Variants in CACNA2D1 observed in about 807,000 individuals in gnomAD.
CACNA2D1 encodes the protein voltage-dependent calcium channel subunit alpha-2/delta-1.
In CACNA2D1, 53 loss-of-function variants were observed where a neutral mutation model predicts 171.5. The observed-to-expected ratio is 0.31, with a 90% CI of 0.25 to 0.39. CACNA2D1 has a LOEUF of 0.39. Among genes scored for constraint, CACNA2D1 ranks in the 10% least tolerant of loss-of-function variants. The pLI is 1.00. For synonymous variants in CACNA2D1, 442 were observed against 443.1 expected, an observed-to-expected ratio of 1.00 and a Z score of 0.03; for missense variants, 903 against 1,299.8, an observed-to-expected ratio of 0.69 and a Z score of 4.69.
rs141846409 is a variant in CACNA2D1 at position 82,050,771 on chromosome 7, T to C, written c.879+9657A>G. The stretch of plus-strand genomic sequence containing the variant: ...TAACAATAATCATCATCATAATACA[T>C]GATTACAATATATAAGCACTTTACA... On this transcript the variant is annotated intron_variant, in intron 10 of 38. Coordinates refer to ENST00000356860, the MANE Select transcript of CACNA2D1 (RefSeq NM_000722.4). 1.1e-5 allele frequency: 7 copies of C among 634,638 alleles called. No homozygotes were observed. In the East Asian group the frequency reaches 1.7e-4, roughly 15 times the overall value. 39.3% of individuals were successfully genotyped at this position (634,638 alleles called of 1,614,324 possible). A position where few individuals can be genotyped will look rare whatever the true frequency, so the allele number is the denominator to read the frequency against.
chr7:82,316,622 C>T (rs889133809), intron 3 of CACNA2D1, among the ~76,000 whole-genome samples: 9 of 152,098 alleles, frequency 5.9e-5, no homozygotes, highest in Admixed American at 5.9e-4. Flanking sequence ...ATCAAAATAT[C>T]TGTATATTAG....
Position 82,340,344 on chromosome 7 carries a change from T to G in CACNA2D1, c.178-5093A>C, listed in dbSNP as rs76499401. On this transcript the variant is annotated intron_variant, in intron 2 of 38. Coordinates refer to ENST00000356860, the MANE Select transcript of CACNA2D1 (RefSeq NM_000722.4). ...AATTTGGCTAAGTTTGTTTTTTGTT[T>G]TTTTTTTTTTTTAATAGGATCTCAC... 5.4e-3 allele frequency among the ~76,000 whole-genome samples: 792 copies of G among 146,828 alleles called. 20 individuals carry two copies. In the East Asian group the frequency reaches 0.081, roughly 15 times the overall value.
At chr7:82,179,862 G>A (rs901655633) in intron 3 of CACNA2D1, among the ~76,000 whole-genome samples, 8 of 151,632 alleles carry the variant, frequency 5.3e-5, no homozygotes, top group South Asian at 2.1e-4. Context: ...AGTTAGACTC[G>A]TCATAAAGTC....
At chr7:81,980,759 A>G (rs1396907278) in intron 24 of CACNA2D1, among the ~76,000 whole-genome samples, 2 of 152,128 alleles carry the variant, frequency 1.3e-5, no homozygotes, top group East Asian at 3.9e-4. Flanking sequence ...ATTGACAGAT[A>G]CACTTGATAC....
intron 18 of CACNA2D1, among the ~76,000 whole-genome samples, chr7:82,000,373 T>C (rs901014609): frequency 1.3e-5 from 2 of 152,160 alleles, no homozygotes; most frequent in African/African-American, 4.8e-5. Flanking sequence ...GACATATATA[T>C]ATTTAATTTC....
At chr7:82,434,526 C>G (rs1330723974) in intron 1 of CACNA2D1, among the ~76,000 whole-genome samples, 1 of 152,120 alleles carries the variant, frequency 6.6e-6, no homozygotes, top group African/African-American at 2.4e-5. Context: ...ACTCCTCCCA[C>G]TCTCCACCCT....
intron 12 of CACNA2D1, among the ~76,000 whole-genome samples, chr7:82,022,628 A>G (rs777856676): frequency 6.6e-6 from 1 of 151,916 alleles, no homozygotes. Flanking sequence ...AAAACTGACA[A>G]TGTTCACTCT....
chr7:82,011,948 T>C, intron 15 of CACNA2D1: 1 of 549,326 alleles, frequency 1.8e-6, no homozygotes, highest in South Asian at 2.3e-5. Context: ...GACAATAAGC[T>C]AACACTTTGC....
intron 20 of CACNA2D1, among the ~76,000 whole-genome samples, chr7:81,992,645 T>A (rs1190002418): frequency 2.0e-5 from 3 of 152,198 alleles, no homozygotes; most frequent in Non-Finnish European, 4.4e-5. Flanking sequence ...AAATGTAAGT[T>A]TTTTCAATAT....
chr7:82,251,455 T>C (rs1344025024), intron 3 of CACNA2D1, among the ~76,000 whole-genome samples: 1 of 152,206 alleles, frequency 6.6e-6, no homozygotes, highest in Non-Finnish European at 1.5e-5. Flanking sequence ...CATTTCATTG[T>C]ACATTCATGG....
intron 3 of CACNA2D1, among the ~76,000 whole-genome samples, chr7:82,291,046 C>G (rs1399185888): frequency 6.8e-6 from 1 of 148,000 alleles, no homozygotes; most frequent in East Asian, 2.0e-4. Context: ...TGCAATCACA[C>G]CTCACTGCAG....
intron 32 of CACNA2D1, among the ~76,000 whole-genome samples, chr7:81,964,913 CAT>C (rs907568067): frequency 4.0e-5 from 6 of 151,784 alleles, no homozygotes; most frequent in African/African-American, 1.4e-4. Context: ...ACACCTTAAA[CAT>C]ATACAATAAA....
chr7:82,087,889 T>C (rs1563026792), intron 6 of CACNA2D1, among the ~76,000 whole-genome samples: 1 of 152,124 alleles, frequency 6.6e-6, no homozygotes, highest in East Asian at 1.9e-4. Context: ...AAATGCACAA[T>C]ACCGGCCATG....
chr7:82,204,548 AGTT>A (rs142007158), intron 3 of CACNA2D1, among the ~76,000 whole-genome samples: 1,624 of 152,218 alleles, frequency 0.011, 28 homozygotes, highest in African/African-American at 0.037. Context: ...CATAACCTGG[AGTT>A]GTTGTTCCCT....
chr7:82,044,978 T>C (rs1258900240), intron 10 of CACNA2D1, among the ~76,000 whole-genome samples: 1 of 152,172 alleles, frequency 6.6e-6, no homozygotes, highest in Non-Finnish European at 1.5e-5. Flanking sequence ...AGTGGCTGTT[T>C]AGAATTCAAT....
intron 10 of CACNA2D1, among the ~76,000 whole-genome samples, chr7:82,038,597 C>T (rs1021633932): frequency 6.6e-6 from 1 of 152,164 alleles, no homozygotes; most frequent in East Asian, 1.9e-4. Context: ...GGGATGCTTG[C>T]CCTGGTTGTG....
At chr7:82,433,027 T>C (rs1238299550) in intron 1 of CACNA2D1, among the ~76,000 whole-genome samples, 6 of 151,712 alleles carry the variant, frequency 4.0e-5, no homozygotes, top group Admixed American at 3.9e-4. Flanking sequence ...CTCTACTAAA[T>C]ATACAAAAAA....
At chr7:82,292,887 C>A (rs911264379) in intron 3 of CACNA2D1, among the ~76,000 whole-genome samples, 1 of 151,882 alleles carries the variant, frequency 6.6e-6, no homozygotes, top group East Asian at 1.9e-4. Context: ...ATGAGAATCA[C>A]AAATACATAT....
At chr7:82,411,169 G>C (rs1352520773) in intron 1 of CACNA2D1, among the ~76,000 whole-genome samples, 1 of 152,136 alleles carries the variant, frequency 6.6e-6, no homozygotes, top group Non-Finnish European at 1.5e-5. Context: ...GGCCCTCCAA[G>C]TAAGGCCATA....
Sources: gnomAD v4.1 joint callset for allele counts (sites outside exome capture counted in the v4.1 genomes callset) on GRCh38, gnomAD v4.1.1 for gene constraint, MANE v1.5 for transcripts, NCBI Gene and HGNC (gene_info 2026-07-23, HGNC 2026-07-21) for gene names.